Variants in KDM3A observed in about 807,000 individuals in gnomAD.
The protein encoded by KDM3A is lysine demethylase 3A, also known as lysine-specific demethylase 3A.
A neutral mutation model predicts 158.0 loss-of-function variants in KDM3A; 60 were observed. The ratio of observed to expected loss-of-function variants is 0.38; its 90% CI spans 0.31 to 0.47. The LOEUF (loss-of-function observed/expected upper bound fraction) is 0.47. Ranked by LOEUF, KDM3A falls within the 20% of genes least tolerant of loss-of-function variation. KDM3A has a pLI of 0.99. For synonymous variants in KDM3A, 608 were observed against 549.3 expected, an observed-to-expected ratio of 1.11 and a Z score of -1.49; for missense variants, 1,319 against 1,574.3, an observed-to-expected ratio of 0.84 and a Z score of 2.74.
intron 19 of KDM3A, 108 bp downstream of exon 19, chr2:86,484,266 T>G: frequency 5.1e-6 from 5 of 989,072 alleles, no homozygotes; most frequent in Non-Finnish European, 7.5e-6. Flanking sequence ...TTCCAGGATT[T>G]TGGAGTTTAA....
At chr2:86,481,308 A>G (rs984273317) in intron 16 of KDM3A, among the ~76,000 whole-genome samples, 2 of 152,100 alleles carry the variant, frequency 1.3e-5, no homozygotes, top group African/African-American at 2.4e-5. Flanking sequence ...GTGCAGTGGC[A>G]TGATCTTGGC....
Position 86,456,826 on chromosome 2 carries a change from G to C in KDM3A, c.703G>C (p.Asp235His), listed in dbSNP as rs759006003. 3.1e-6 allele frequency: 5 copies of C among 1,611,934 alleles called. No homozygotes were observed. The highest frequency in any genetic ancestry group is 4.2e-6 in the Non-Finnish European group (5 of 1,178,488). Residue 235 changes from aspartate (D) to histidine (H), a missense_variant, in exon 7 of 26, where the codon GAT (aspartate) becomes CAT (histidine). Transcript: ENST00000312912. ...TAAGATTCCAGCACTGAAAATTGTT[G>C]ATCCGTCACTGATTCATGTTGAAGT... ...CEEIPALKIV[D>H]PSLIHVEVVH...
At chr2:86,462,983 C>T (rs531594571) in intron 8 of KDM3A, among the ~76,000 whole-genome samples, 8 of 152,040 alleles carry the variant, frequency 5.3e-5, no homozygotes, top group Non-Finnish European at 1.0e-4. Flanking sequence ...CCCAGCTACT[C>T]GGGAGGCTGA....
At chr2:86,457,145 T>G in intron 8 of KDM3A, 74 bp downstream of exon 8, 1 of 538,868 alleles carries the variant, frequency 1.9e-6, no homozygotes, top group Non-Finnish European at 3.0e-6. Flanking sequence ...TTATTTTTTA[T>G]TATTTATTTA....
At chr2:86,455,563 T>C (rs1365160341) in intron 5 of KDM3A, among the ~76,000 whole-genome samples, 1 of 152,120 alleles carries the variant, frequency 6.6e-6, no homozygotes, top group Non-Finnish European at 1.5e-5. Context: ...AAAATAAATT[T>C]TTAAGAAATT....
At chr2:86,439,249 C>T (rs953649098), upstream of KDM3A, among the ~76,000 whole-genome samples, 4 of 151,892 alleles carry the variant, frequency 2.6e-5, no homozygotes, top group African/African-American at 9.7e-5. Context: ...TCTTTTTTAA[C>T]CTGTCATGGT....
chr2:86,477,734 G>A (rs576076743), intron 12 of KDM3A, 143 bp from the exon 13 acceptor site: 14 of 697,128 alleles, frequency 2.0e-5, no homozygotes, highest in African/African-American at 3.6e-5. Context: ...TTCATGGGGT[G>A]GAGGACAGCA....
intron 12 of KDM3A, among the ~76,000 whole-genome samples, chr2:86,475,769 C>T (rs750814495): frequency 6.6e-6 from 1 of 152,218 alleles, no homozygotes; most frequent in African/African-American, 2.4e-5. Flanking sequence ...TGAAGCCTTT[C>T]TATTCCTCTG....
At chr2:86,441,885 G>T in intron 1 of KDM3A, 133 bp from the exon 2 acceptor site, 1 of 457,302 alleles carries the variant, frequency 2.2e-6, no homozygotes. Context: ...CGCAGGAGGG[G>T]GGCTCGGTGC....
At chr2:86,470,656 T>C (rs72844695) in intron 11 of KDM3A, among the ~76,000 whole-genome samples, 2 of 152,300 alleles carry the variant, frequency 1.3e-5, no homozygotes, top group Non-Finnish European at 2.9e-5. Context: ...TAACAGTCAT[T>C]ATAGAAAAAT....
chr2:86,466,523 A>G lies in KDM3A; in HGVS notation c.1159A>G (p.Lys387Glu). 1 of 1,613,972 alleles carries G rather than the reference A, an allele frequency of 6.2e-7. No individual in the cohort carries two copies. Reference sequence around the variant, plus strand: ...AGACTTGAAAATTCTGACTGAGCCAAAAGGCAGCTGTACTCAGCCTAAGAC... The same window carrying G: ...AGACTTGAAAATTCTGACTGAGCCAGAAGGCAGCTGTACTCAGCCTAAGAC... ...TGDLKILTEPKGSCTQPKTNT... is the reference protein window; with the variant it reads ...TGDLKILTEPEGSCTQPKTNT... Residue 387 changes from lysine (K) to glutamate (E), a missense_variant, in exon 10 of 26, where the codon AAA becomes GAA. By Grantham distance (56) the Lys-to-Glu change is moderately conservative (BLOSUM62 1). Coordinates refer to ENST00000312912, the MANE Select transcript of KDM3A (RefSeq NM_018433.6).
At chr2:86,473,406 C>T (rs938506072) in intron 11 of KDM3A, among the ~76,000 whole-genome samples, 1 of 152,118 alleles carries the variant, frequency 6.6e-6, no homozygotes, top group Non-Finnish European at 1.5e-5. Context: ...GTCTCAGCCT[C>T]CCAAAGTGCT....
intron 4 of KDM3A, among the ~76,000 whole-genome samples, chr2:86,452,509 T>C (rs1190399830): frequency 1.3e-5 from 2 of 152,190 alleles, no homozygotes; most frequent in Admixed American, 1.3e-4. Flanking sequence ...AACATTTTTT[T>C]GCAACTTGAT....
chr2:86,446,307 C>T (rs1198746520), intron 2 of KDM3A, among the ~76,000 whole-genome samples: 1 of 152,108 alleles, frequency 6.6e-6, no homozygotes, highest in African/African-American at 2.4e-5. Flanking sequence ...TCATTGTGGG[C>T]CAAAGGAGCA....
At chr2:86,452,194 G>GC (rs1332538704) in intron 4 of KDM3A, among the ~76,000 whole-genome samples, 2 of 108,538 alleles carry the variant, frequency 1.8e-5, no homozygotes, top group Non-Finnish European at 4.1e-5. Context: ...GCATTTTTGT[G>GC]CTTTTTTTTT....
chr2:86,451,591 C>T (rs1362114640), intron 4 of KDM3A, among the ~76,000 whole-genome samples: 1 of 152,110 alleles, frequency 6.6e-6, no homozygotes, highest in Non-Finnish European at 1.5e-5. Flanking sequence ...GACTTTCGGT[C>T]TTGCAATCTC....
chr2:86,456,372 C>G (rs1344996971), intron 5 of KDM3A, 70 bp from the exon 6 acceptor site: 1 of 1,107,618 alleles, frequency 9.0e-7, no homozygotes. Context: ...AAAAGATTGT[C>G]CTGGATGATG....
intron 12 of KDM3A, 129 bp downstream of exon 12, chr2:86,475,119 T>G: frequency 2.7e-6 from 2 of 747,880 alleles, no homozygotes; most frequent in Non-Finnish European, 4.5e-6. Flanking sequence ...ATAATGAGGT[T>G]GCATTTTTCC....
At position 86,480,234 on chromosome 2, in the gene KDM3A, C is replaced by A. The variant is rs536830944; in HGVS notation, c.2384C>A (p.Pro795Gln). 1.5e-5 allele frequency: 25 copies of A among 1,613,730 alleles called. No individual in the cohort carries two copies. The South Asian group carries it at 2.7e-4, about 18-fold the overall frequency. Reference sequence around the variant, plus strand: ...CAGCAGAATCCCTCAGTGTTGGAGCCAGCAGCTGTGGGTGGGGAAGCAGCC... The same window carrying A: ...CAGCAGAATCCCTCAGTGTTGGAGCAAGCAGCTGTGGGTGGGGAAGCAGCC... ...VLQQNPSVLE[P>Q]AAVGGEAASK... The change falls in exon 16 of 26, where the codon CCA becomes CAA. Residue 795 changes from proline (P) to glutamine (Q), a missense_variant. By Grantham distance (76) the Pro-to-Gln change is moderately conservative. Around this residue, in one of 4 missense-constraint regions of KDM3A, gnomAD observed 368 missense variants for 415.8 expected, o/e 0.89. Transcript: ENST00000312912.
Sources: gnomAD v4.1 joint callset for allele counts (sites outside exome capture counted in the v4.1 genomes callset) on GRCh38, gnomAD v4.1.1 for gene constraint, gnomAD v4.1.1 regional missense constraint, MANE v1.5 for transcripts, NCBI Gene and HGNC (gene_info 2026-07-23, HGNC 2026-07-21) for gene names.